Variants in DOCK11 observed in about 807,000 individuals in gnomAD.
The protein encoded by DOCK11 is dedicator of cytokinesis protein 11.
Under a neutral mutation model 169.1 loss-of-function variants are expected in DOCK11, and 70 were observed. The observed-to-expected ratio is 0.41, with a 90% CI of 0.34 to 0.51. DOCK11 has a LOEUF of 0.51. Among genes scored for constraint, DOCK11 ranks in the 20% least tolerant of loss-of-function variants. DOCK11 has a pLI of 0.10. For synonymous variants in DOCK11, 529 were observed against 541.3 expected (o/e 0.98, Z 0.32); for missense variants, 1,166 against 1,538.8 (o/e 0.76, Z 4.05).
intron 38 of DOCK11, among the ~76,000 whole-genome samples, chrX:118,639,799 T>C (rs1258165728): frequency 8.9e-6 from 1 of 111,908 alleles, no homozygotes; most frequent in Non-Finnish European, 1.9e-5. Context: ...TGTTTGCATC[T>C]CTCTGCTATG....
In DOCK11 at chrX:118,557,784, AAAAAAAG is replaced by A. The variant is rs1226621677; in HGVS notation, c.559-3597_559-3591del. Among the ~76,000 whole-genome samples, 244 of 104,201 alleles carry A rather than the reference AAAAAAAG, an allele frequency of 2.3e-3. 2 individuals are homozygous for A. The highest frequency in any genetic ancestry group is 8.2e-3 in the African/African-American group (235 of 28,505). The allele number at this position is 104,201 out of a possible 115,157, so 90.5% of individuals were successfully genotyped here. A position where few individuals can be genotyped will look rare whatever the true frequency, so the allele number is the denominator to read the frequency against. ...GTCTCAAAAAAAAAAAAAAAAAAAAAAAAAAAGAGAAGAAATAGAATCCAAGAAGTAA... is the reference window on the plus strand; with the variant it reads ...GTCTCAAAAAAAAAAAAAAAAAAAAAAGAAGAAATAGAATCCAAGAAGTAA... On this transcript the variant is annotated intron_variant, in intron 6 of 52. Transcript: ENST00000276202.
intron 52 of DOCK11, chrX:118,685,481 TC>T (rs1296443739): frequency 2.4e-5 from 9 of 369,616 alleles, no homozygotes; most frequent in Non-Finnish European, 3.9e-5. Context: ...AGTAACTAGA[TC>T]TTTTCTGCTT....
rs1440288721 is a variant in DOCK11 at position 118,615,609 on chromosome X, G to C, written c.3190G>C (p.Glu1064Gln). The C allele has an allele frequency of 8.3e-7, 1 of 1,204,161 alleles. No homozygotes were observed. The highest frequency in any genetic ancestry group is 2.2e-5 in the Admixed American group (1 of 45,530). ...ATTTCTTTCCATTTAGGTTCTGGCT[G>C]AATACAAGTTTGAATTTCTGCAAAC... ...FSPKDPKVLA[E>Q]YKFEFLQTIC... Residue 1064 changes from glutamate (E) to glutamine (Q), a missense_variant, in exon 30 of 53, where the codon GAA (glutamate) becomes CAA (glutamine). Physicochemically the swap from Glu to Gln is conservative, Grantham distance 29 (BLOSUM62 2). Transcript: ENST00000276202.
chrX:118,582,003 G>A (rs1370535479), intron 14 of DOCK11, among the ~76,000 whole-genome samples: 2 of 108,013 alleles, frequency 1.9e-5, no homozygotes, highest in Non-Finnish European at 1.9e-5. Flanking sequence ...GATGGCAGGC[G>A]CCTGTAATCC....
chrX:118,588,267 T>C lies in DOCK11; in HGVS notation c.1926T>C (p.His642=), dbSNP rs1312673020. The change falls in exon 17 of 53, where the codon CAT becomes CAC. Residue 642 remains histidine (H), a synonymous_variant. Transcript: ENST00000276202. ...ATCCATTTACTATTTACAAAAACCA[T>C]CTGTATGTATATCCCCTGCAATTAA... is the stretch of plus-strand genomic sequence containing the variant. The part of the protein sequence containing the change: ...YCYPFTIYKN[H]LYVYPLQLKY... 1 of 1,199,952 alleles carries C rather than the reference T, an allele frequency of 8.3e-7. No individual in the cohort carries two copies. Among genetic ancestry groups the C allele is most frequent in the Admixed American group, 2.3e-5 (1 of 44,197 alleles).
chrX:118,605,704 C>T (rs1168389534), intron 24 of DOCK11, among the ~76,000 whole-genome samples: 1 of 111,590 alleles, frequency 9.0e-6, no homozygotes, highest in Non-Finnish European at 1.9e-5. Flanking sequence ...ATGGTCTATT[C>T]TGGAGACTAT....
At chrX:118,646,923 T>C (rs991394322) in intron 40 of DOCK11, among the ~76,000 whole-genome samples, 6 of 111,322 alleles carry the variant, frequency 5.4e-5, no homozygotes, top group African/African-American at 2.0e-4. Context: ...AAAACATCTA[T>C]TGTGTATCCT....
intron 40 of DOCK11, among the ~76,000 whole-genome samples, chrX:118,647,496 A>AT (rs1206596060): frequency 2.1e-4 from 15 of 71,825 alleles, no homozygotes; most frequent in Admixed American, 6.5e-4. Flanking sequence ...ATATTATTAT[A>AT]TAATATATTA....
At chrX:118,648,855 G>A (rs1318029229) in intron 40 of DOCK11, 90 bp from the exon 41 acceptor site, 1 of 836,064 alleles carries the variant, frequency 1.2e-6, no homozygotes, top group African/African-American at 2.1e-5. Flanking sequence ...CCCCAGCATA[G>A]TTTTAGGTGA....
chrX:118,558,375 G>A (rs772441420), intron 6 of DOCK11, among the ~76,000 whole-genome samples: 1 of 111,592 alleles, frequency 9.0e-6, no homozygotes, highest in East Asian at 2.8e-4. Context: ...TTAGCTATTG[G>A]TTACAAAAGG....
At chrX:118,668,541 G>A (rs143941455) in intron 45 of DOCK11, among the ~76,000 whole-genome samples, 32 of 110,989 alleles carry the variant, frequency 2.9e-4, no homozygotes, top group African/African-American at 8.2e-4. Flanking sequence ...ATATACAGAT[G>A]TTTTATTCAA....
chrX:118,628,337 A>G, intron 34 of DOCK11, 65 bp downstream of exon 34: 1 of 748,274 alleles, frequency 1.3e-6, no homozygotes, highest in South Asian at 2.5e-5. Flanking sequence ...TTTTTATAGT[A>G]TAAATATGAG....
chrX:118,589,345 T>C (rs2013914767), intron 18 of DOCK11, among the ~76,000 whole-genome samples: 1 of 111,891 alleles, frequency 8.9e-6, no homozygotes, highest in Non-Finnish European at 1.9e-5. Context: ...TGCAATATCC[T>C]TTTGTAGACC....
chrX:118,597,982 T>C (rs1409857344), intron 21 of DOCK11, 48 bp from the exon 22 acceptor site: 3 of 965,802 alleles, frequency 3.1e-6, no homozygotes, highest in Non-Finnish European at 4.3e-6. Context: ...TTATATGTTA[T>C]TCATCTATCC....
intron 30 of DOCK11, among the ~76,000 whole-genome samples, chrX:118,617,491 C>CA (rs35955845): frequency 0.2 from 19,139 of 94,779 alleles, 1,515 homozygotes; most frequent in East Asian, 0.36. Flanking sequence ...GACTCTGTCT[C>CA]AAAAAAAAAA....
intron 44 of DOCK11, 54 bp from the exon 45 acceptor site, chrX:118,662,632 A>G (rs2016243441): frequency 1.0e-5 from 7 of 698,884 alleles, no homozygotes; most frequent in Admixed American, 2.4e-5. Flanking sequence ...GCTCACTGTT[A>G]TTTACTAAAT....
chrX:118,619,047 TG>T (rs1370018682), intron 31 of DOCK11, among the ~76,000 whole-genome samples: 1 of 108,026 alleles, frequency 9.3e-6, no homozygotes, highest in African/African-American at 3.4e-5. Context: ...TTAGTAGAGA[TG>T]GGGTTTCACC....
At chrX:118,516,004 A>ACTATATATATATATATATATAT (rs1436837389) in intron 1 of DOCK11, among the ~76,000 whole-genome samples, 9,410 of 44,806 alleles carry the variant, frequency 0.21, 1,283 homozygotes, top group Non-Finnish European at 0.25. Context: ...GATTTGGGCA[A>ACTATATATATATATATATATAT]ATATATATAT....
At chrX:118,537,197 C>T (rs2011788596) in intron 1 of DOCK11, among the ~76,000 whole-genome samples, 1 of 111,881 alleles carries the variant, frequency 8.9e-6, no homozygotes, top group Non-Finnish European at 1.9e-5. Context: ...CCATGTTCCT[C>T]CTTGTGCTGA....
Sources: allele counts gnomAD v4.1 joint callset (sites outside exome capture counted in the v4.1 genomes callset), GRCh38; gene constraint gnomAD v4.1.1; transcripts MANE v1.5; gene names NCBI Gene and HGNC (gene_info 2026-07-23, HGNC 2026-07-21).